SCAPER: variants seen among roughly 807,000 people sequenced by gnomAD.
SCAPER encodes S-phase cyclin A associated protein in the ER.
In SCAPER, 98 loss-of-function variants were observed where a neutral mutation model predicts 182.2. The ratio of observed to expected loss-of-function variants is 0.54; its 90% confidence interval spans 0.46 to 0.64. The LOEUF (loss-of-function observed/expected upper bound fraction) is 0.64, where lower values mean the gene tolerates loss of function less well. Among genes scored for constraint, SCAPER ranks in the 30% least tolerant of loss-of-function variants. SCAPER has a pLI of 0.00. For synonymous variants in SCAPER, 605 were observed against 564.6 expected (o/e 1.07, Z -1.01); for missense variants, 1,432 against 1,690.0 (o/e 0.85, Z 2.68).
At chr15:76,566,385 C>A (rs772104198) in intron 23 of SCAPER, among the ~76,000 whole-genome samples, 1 of 152,052 alleles carries the variant, frequency 6.6e-6, no homozygotes, top group African/African-American at 2.4e-5. Context: ...TATTCAGATT[C>A]GAAAGAGTCA....
At chr15:76,794,881 A>G (rs1413757513) in intron 8 of SCAPER, among the ~76,000 whole-genome samples, 1 of 152,240 alleles carries the variant, frequency 6.6e-6, no homozygotes, top group African/African-American at 2.4e-5. Context: ...AGATAAACAC[A>G]GAATATTATT....
At chr15:76,596,397 T>C (rs2049501160) in intron 22 of SCAPER, among the ~76,000 whole-genome samples, 1 of 116,168 alleles carries the variant, frequency 8.6e-6, no homozygotes, top group African/African-American at 2.6e-5. Flanking sequence ...AAAGAGGAAC[T>C]GGTACCATTC....
chr15:76,733,729 G>A (rs547170617), intron 15 of SCAPER, among the ~76,000 whole-genome samples: 9 of 151,980 alleles, frequency 5.9e-5, no homozygotes, highest in Admixed American at 1.3e-4. Context: ...ACTCCAGCCT[G>A]GGTGACAGAA....
intron 26 of SCAPER, among the ~76,000 whole-genome samples, chr15:76,429,947 G>C (rs903218272): frequency 6.6e-6 from 1 of 152,234 alleles, no homozygotes; most frequent in East Asian, 1.9e-4. Flanking sequence ...ATGGTTTAGT[G>C]GGGCAGGCTC....
At chr15:76,640,747 G>A (rs984383388) in intron 21 of SCAPER, among the ~76,000 whole-genome samples, 2 of 152,262 alleles carry the variant, frequency 1.3e-5, no homozygotes, top group African/African-American at 4.8e-5. Flanking sequence ...CTATTGCTAC[G>A]GAATAAAAGA....
At chr15:76,574,011 TAA>T (rs560720287) in intron 23 of SCAPER, 145 bp downstream of exon 23, 14 of 670,222 alleles carry the variant, frequency 2.1e-5, no homozygotes, top group South Asian at 6.6e-5. Context: ...AGAACAAAAG[TAA>T]AAAAAAAAAT....
intron 1 of SCAPER, 27 bp downstream of exon 1, chr15:76,905,272 C>A (rs1380038874): frequency 1.9e-5 from 5 of 256,854 alleles, no homozygotes; most frequent in Non-Finnish European, 3.2e-5. Context: ...CGGGTCTGCG[C>A]TACGCACGCC....
At chr15:76,710,181 A>G (rs1234568503) in intron 17 of SCAPER, among the ~76,000 whole-genome samples, 1 of 152,206 alleles carries the variant, frequency 6.6e-6, no homozygotes, top group Non-Finnish European at 1.5e-5. Context: ...CAAAAAGAAA[A>G]CAAAGAAATT....
intron 20 of SCAPER, among the ~76,000 whole-genome samples, chr15:76,689,477 AAGAC>A (rs1333761237): frequency 6.6e-6 from 1 of 152,056 alleles, no homozygotes; most frequent in Non-Finnish European, 1.5e-5. Flanking sequence ...AATCTAATCT[AAGAC>A]AGTAATTTTC....
chr15:76,402,304 G>A (rs1476592760), intron 27 of SCAPER, among the ~76,000 whole-genome samples: 1 of 152,124 alleles, frequency 6.6e-6, no homozygotes, highest in East Asian at 1.9e-4. Context: ...GCCACTACTG[G>A]AGGTGTTAAA....
intron 17 of SCAPER, among the ~76,000 whole-genome samples, chr15:76,707,747 C>T (rs2059332807): frequency 6.6e-6 from 1 of 152,048 alleles, no homozygotes; most frequent in African/African-American, 2.4e-5. Context: ...TATCAATTAC[C>T]TTTACCTAAC....
chr15:76,535,726 G>A (rs184805676), intron 23 of SCAPER, among the ~76,000 whole-genome samples: 2 of 151,994 alleles, frequency 1.3e-5, no homozygotes, highest in Non-Finnish European at 2.9e-5. Flanking sequence ...TTTCATTCAG[G>A]CTCTAGGTTC....
intron 20 of SCAPER, among the ~76,000 whole-genome samples, chr15:76,685,733 G>C (rs1462858501): frequency 6.6e-6 from 1 of 151,946 alleles, no homozygotes; most frequent in East Asian, 1.9e-4. Flanking sequence ...AAAAGGACAA[G>C]AAGCCACAAA....
In SCAPER at chr15:76,763,160, C is replaced by T. The variant is rs758538225; in HGVS notation, c.1725+1801G>A. Among the ~76,000 whole-genome samples the T allele has an allele frequency of 8.3e-4, 126 of 152,184 alleles. 5 individuals are homozygous for T. The highest frequency in any genetic ancestry group is 3.1e-4 in the Non-Finnish European group (21 of 68,042). On this transcript the variant is annotated intron_variant, in intron 14 of 31. Coordinates refer to ENST00000563290, the MANE Select transcript of SCAPER (RefSeq NM_020843.4). ...CTCAGGCAAGCCTAGTGATGACAAACTCCCTCAATTTTCATGTGTCTGGGA... is the reference window on the plus strand; with the variant it reads ...CTCAGGCAAGCCTAGTGATGACAAATTCCCTCAATTTTCATGTGTCTGGGA...
At chr15:76,440,233 C>A (rs938504949) in intron 25 of SCAPER, among the ~76,000 whole-genome samples, 1 of 152,148 alleles carries the variant, frequency 6.6e-6, no homozygotes, top group Non-Finnish European at 1.5e-5. Context: ...TAAACTTATT[C>A]CAAAATGAAA....
At chr15:76,817,592 G>T (rs1004363297) in intron 5 of SCAPER, among the ~76,000 whole-genome samples, 17 of 152,016 alleles carry the variant, frequency 1.1e-4, no homozygotes, top group African/African-American at 4.1e-4. Context: ...ACACAAAAAG[G>T]TAACTATGTG....
Position 76,615,478 on chromosome 15 carries a change from TACAC to T in SCAPER, c.2711+6282_2711+6285del, listed in dbSNP as rs138517413. Among the ~76,000 whole-genome samples the T allele has an allele frequency of 3.3e-5, 4 of 119,446 alleles. No individual in the cohort carries two copies. The South Asian group carries it at 9.0e-4, about 27-fold the overall frequency. 78.4% of individuals were successfully genotyped at this position (119,446 alleles called of 152,430 possible). ...ATGTGTCTGTATGTGTATATATACA[TACAC>T]ACACACACAGACACACACACACACA... is the stretch of plus-strand genomic sequence containing the variant. On this transcript the variant is annotated intron_variant, in intron 22 of 31. Coordinates refer to ENST00000563290, the MANE Select transcript of SCAPER (RefSeq NM_020843.4).
chr15:76,652,256 TAA>T (rs1160100739), intron 21 of SCAPER, among the ~76,000 whole-genome samples: 11 of 5,686 alleles, frequency 1.9e-3, no homozygotes, highest in South Asian at 0.013. Context: ...GTGTCTCTGC[TAA>T]AAAAAAAAAA....
At chr15:76,709,088 T>A (rs968790989) in intron 17 of SCAPER, among the ~76,000 whole-genome samples, 1 of 152,132 alleles carries the variant, frequency 6.6e-6, no homozygotes, top group South Asian at 2.1e-4. Flanking sequence ...GATATCACTA[T>A]AAATCATGCT....
Sources: gnomAD v4.1 joint callset for allele counts (sites outside exome capture counted in the v4.1 genomes callset) on GRCh38, gnomAD v4.1.1 for gene constraint, MANE v1.5 for transcripts, NCBI Gene and HGNC (gene_info 2026-07-23, HGNC 2026-07-21) for gene names.